NKAIN2: variants seen among roughly 807,000 people sequenced by gnomAD.
NKAIN2 encodes sodium/potassium-transporting ATPase subunit beta-1-interacting protein 2.
In NKAIN2, 14 loss-of-function variants were observed where a neutral mutation model predicts 32.6. The observed-to-expected ratio is 0.43, with a 90% confidence interval of 0.28 to 0.67. The LOEUF (loss-of-function observed/expected upper bound fraction) is 0.67, where lower values mean the gene tolerates loss of function less well. Ranked by LOEUF, NKAIN2 falls within the 30% of genes least tolerant of loss-of-function variation. The pLI, the probability that NKAIN2 is intolerant of heterozygous loss-of-function variation, is 0.17. For synonymous variants in NKAIN2, 80 were observed against 87.2 expected, an observed-to-expected ratio of 0.92 and a Z score of 0.46; for missense variants, 198 against 258.3, an observed-to-expected ratio of 0.77 and a Z score of 1.60.
At chr6:124,240,801 A>G (rs758153746) in intron 1 of NKAIN2, among the ~76,000 whole-genome samples, 49 of 152,216 alleles carry the variant, frequency 3.2e-4, no homozygotes, top group Non-Finnish European at 6.0e-4. Flanking sequence ...TGAATGGGCA[A>G]AAGCTGTAAG....
At chr6:124,316,746 A>G (rs1026616626) in intron 2 of NKAIN2, among the ~76,000 whole-genome samples, 1 of 152,152 alleles carries the variant, frequency 6.6e-6, no homozygotes, top group African/African-American at 2.4e-5. Context: ...ATTAGAGAGA[A>G]TAAAGTTCAA....
chr6:124,110,175 A>G (rs1785314504), intron 1 of NKAIN2, among the ~76,000 whole-genome samples: 1 of 149,430 alleles, frequency 6.7e-6, no homozygotes, highest in South Asian at 2.1e-4. Context: ...TTGAAACAAT[A>G]TTTTACTATT....
chr6:123,818,066 C>G (rs1374509507), intron 1 of NKAIN2, among the ~76,000 whole-genome samples: 2 of 152,198 alleles, frequency 1.3e-5, no homozygotes, highest in African/African-American at 4.8e-5. Flanking sequence ...ATATTTGACA[C>G]TTTTAATTTG....
At chr6:124,068,968 T>C (rs1247438264) in intron 1 of NKAIN2, among the ~76,000 whole-genome samples, 1 of 152,028 alleles carries the variant, frequency 6.6e-6, no homozygotes, top group Non-Finnish European at 1.5e-5. Flanking sequence ...TTGGTCAGGT[T>C]TTGCTCTTGC....
At chr6:124,262,430 G>C (rs1377829867) in intron 1 of NKAIN2, among the ~76,000 whole-genome samples, 1 of 152,098 alleles carries the variant, frequency 6.6e-6, no homozygotes, top group Non-Finnish European at 1.5e-5. Context: ...CGCTGAAAAA[G>C]TTTAATAAAG....
chr6:124,104,838 G>A (rs1233411362), intron 1 of NKAIN2, among the ~76,000 whole-genome samples: 2 of 152,146 alleles, frequency 1.3e-5, no homozygotes, highest in Admixed American at 1.3e-4. Flanking sequence ...TATGCAGCAG[G>A]ATATCCCACT....
At chr6:124,455,018 A>G (rs1776264280) in intron 3 of NKAIN2, among the ~76,000 whole-genome samples, 1 of 152,016 alleles carries the variant, frequency 6.6e-6, no homozygotes, top group South Asian at 2.1e-4. Flanking sequence ...CATCTACCTG[A>G]AATTATTTAG....
intron 3 of NKAIN2, among the ~76,000 whole-genome samples, chr6:124,523,880 A>G (rs1290192095): frequency 3.3e-5 from 5 of 152,190 alleles, no homozygotes; most frequent in African/African-American, 4.8e-5. Context: ...TAATATACCT[A>G]TAGTATTGTA....
chr6:124,248,041 A>C (rs1247573561), intron 1 of NKAIN2, among the ~76,000 whole-genome samples: 1 of 152,086 alleles, frequency 6.6e-6, no homozygotes, highest in African/African-American at 2.4e-5. Context: ...TTTCTCCTTT[A>C]AACTGATGAA....
chr6:124,560,921 A>G (rs922181805), intron 3 of NKAIN2, among the ~76,000 whole-genome samples: 2 of 152,202 alleles, frequency 1.3e-5, no homozygotes, highest in African/African-American at 4.8e-5. Flanking sequence ...TTCCTGGAAG[A>G]TGCTGCAGAG....
chr6:123,872,112 A>AT (rs569337052), intron 1 of NKAIN2, among the ~76,000 whole-genome samples: 1 of 152,064 alleles, frequency 6.6e-6, no homozygotes, highest in Non-Finnish European at 1.5e-5. Context: ...ATTATTATTA[A>AT]TTTTTTTCAT....
chr6:123,877,364 C>T (rs1055508843), intron 1 of NKAIN2, among the ~76,000 whole-genome samples: 8 of 152,192 alleles, frequency 5.3e-5, no homozygotes, highest in Admixed American at 2.6e-4. Context: ...TTGGGGTATT[C>T]CTTACCAGAT....
At chr6:124,519,734 T>C (rs1436591587) in intron 3 of NKAIN2, among the ~76,000 whole-genome samples, 1 of 152,198 alleles carries the variant, frequency 6.6e-6, no homozygotes, top group Non-Finnish European at 1.5e-5. Context: ...TGTTTAAGAA[T>C]TTTAAAATTT....
At chr6:124,342,545 T>C (rs1397012289) in intron 2 of NKAIN2, among the ~76,000 whole-genome samples, 1 of 152,018 alleles carries the variant, frequency 6.6e-6, no homozygotes, top group African/African-American at 2.4e-5. Context: ...TCTTGCTCTG[T>C]CACCCAGGCT....
rs997180374 is a variant in NKAIN2, at chr6:123,939,374, C to T, written c.54+135120C>T. On this transcript the variant is annotated intron_variant, in intron 1 of 6. Coordinates refer to ENST00000368417, the MANE Select transcript of NKAIN2 (RefSeq NM_001040214.3). Reference sequence around the variant, plus strand: ...AGTTGAGATTTGTAACACCAGTGGACCCATTTACATATCCTCATAACCCAT... The same window carrying T: ...AGTTGAGATTTGTAACACCAGTGGATCCATTTACATATCCTCATAACCCAT... Among the ~76,000 whole-genome samples the T allele has an allele frequency of 6.6e-5, 10 of 151,932 alleles. No individual in the cohort carries two copies. The East Asian group carries it at 1.5e-3, about 23-fold the overall frequency.
intron 1 of NKAIN2, among the ~76,000 whole-genome samples, chr6:124,191,373 T>A (rs1479570034): frequency 6.6e-6 from 1 of 152,036 alleles, no homozygotes; most frequent in Non-Finnish European, 1.5e-5. Context: ...TTTGCTGCTA[T>A]GATAAAAAAT....
chr6:124,348,278 AG>A (rs113930958), intron 2 of NKAIN2, among the ~76,000 whole-genome samples: 12,336 of 152,052 alleles, frequency 0.081, 500 homozygotes, highest in African/African-American at 0.1. Context: ...CTCGGGGGTC[AG>A]GGGTCAGGGG....
At chr6:123,835,834 G>A (rs571931624) in intron 1 of NKAIN2, among the ~76,000 whole-genome samples, 3 of 151,844 alleles carry the variant, frequency 2.0e-5, no homozygotes, top group East Asian at 3.9e-4. Flanking sequence ...TTTCTTCTCC[G>A]GCTCCCCCTG....
intron 3 of NKAIN2, among the ~76,000 whole-genome samples, chr6:124,540,353 T>C (rs1393026868): frequency 6.6e-6 from 1 of 152,246 alleles, no homozygotes; most frequent in African/African-American, 2.4e-5. Context: ...ATCAGCTGAT[T>C]TGTAATTTGC....
Sources: allele counts gnomAD v4.1 joint callset (sites outside exome capture counted in the v4.1 genomes callset), GRCh38; gene constraint gnomAD v4.1.1; transcripts MANE v1.5; gene names NCBI Gene and HGNC (gene_info 2026-07-23, HGNC 2026-07-21).